The following SYNE1 variants were observed in gnomAD, a reference collection of about 807,000 sequenced individuals.
SYNE1 encodes the protein spectrin repeat containing nuclear envelope protein 1.
Under a neutral mutation model 1,111.0 loss-of-function variants are expected in SYNE1, and 616 were observed. The observed-to-expected ratio is 0.55, with a 90% CI of 0.52 to 0.59. The LOEUF is 0.59. SYNE1 is among the 20% of genes least tolerant of loss of function. The pLI is 0.00. For missense variants in SYNE1, 10,006 were observed against 10,417.0 expected (o/e 0.96, Z 1.72); for synonymous variants, 3,855 against 3,825.8 (o/e 1.01, Z -0.28).
chr6:152,313,958 C>G (rs1339472113), intron 87 of SYNE1, among the ~76,000 whole-genome samples: 1 of 152,152 alleles, frequency 6.6e-6, no homozygotes, highest in African/African-American at 2.4e-5. Context: ...TTGACTCCTC[C>G]CTGTCTTTCA....
At chr6:152,300,845 T>A (rs2153810087) in intron 92 of SYNE1, 64 bp from the exon 93 acceptor site, 1 of 1,612,480 alleles carries the variant, frequency 6.2e-7, no homozygotes, top group East Asian at 2.2e-5. Flanking sequence ...ATAAGTCCTG[T>A]TCAGGCACAG....
At chr6:152,572,658 A>T (rs889138664) in intron 3 of SYNE1, among the ~76,000 whole-genome samples, 4 of 152,234 alleles carry the variant, frequency 2.6e-5, no homozygotes, top group African/African-American at 9.6e-5. Context: ...GATTCGTTCC[A>T]GAAAAAGTCT....
At chr6:152,214,125 C>A (rs546932959) in intron 122 of SYNE1, among the ~76,000 whole-genome samples, 18 of 148,040 alleles carry the variant, frequency 1.2e-4, no homozygotes, top group African/African-American at 4.5e-4. Context: ...TGCTTGAACC[C>A]AACATTGCAG....
Position 152,242,320 on chromosome 6 carries a change from C to A in SYNE1, c.19813G>T (p.Gly6605Cys). The A allele has an allele frequency of 6.2e-7, 1 of 1,614,050 alleles. No individual in the cohort carries two copies. The highest frequency in any genetic ancestry group is 8.5e-7 in the Non-Finnish European group (1 of 1,180,010). ...LQDLADLLET[G>C]QEKMAGDQKI... ...TGGTCTCCTGCCATCTTCTCCTGAC[C>A]AGTTTCTAGCAGGTCAGCCAGATCT... The change falls in exon 107 of 146, where the codon GGT becomes TGT. Residue 6605 changes from glycine to cysteine, a missense_variant. This residue lies in a region of SYNE1 where 2,182 missense variants were observed against 2,287.8 expected (regional missense o/e 0.95). Transcript: ENST00000367255.
chr6:152,587,215 T>C (rs1463917889), intron 3 of SYNE1, among the ~76,000 whole-genome samples: 1 of 152,210 alleles, frequency 6.6e-6, no homozygotes, highest in East Asian at 1.9e-4. Flanking sequence ...TTTTCAAGTT[T>C]ACCAATGTTG....
At chr6:152,333,223 G>A (rs1357469809) in intron 77 of SYNE1, among the ~76,000 whole-genome samples, 2 of 152,062 alleles carry the variant, frequency 1.3e-5, no homozygotes, top group African/African-American at 2.4e-5. Context: ...TTTCAAAGAA[G>A]AAAGCTAAGA....
At chr6:152,281,322 C>T (rs2094013778) in intron 97 of SYNE1, among the ~76,000 whole-genome samples, 1 of 152,166 alleles carries the variant, frequency 6.6e-6, no homozygotes, top group African/African-American at 2.4e-5. Flanking sequence ...AGGTGGAAAA[C>T]ACATTCTCTG....
intron 141 of SYNE1, 140 bp downstream of exon 141, chr6:152,136,478 G>A: frequency 3.1e-6 from 3 of 982,774 alleles, no homozygotes; most frequent in Non-Finnish European, 4.6e-6. Flanking sequence ...TGAAAAGTTT[G>A]GGCACAAGGT....
chr6:152,395,522 G>A lies in SYNE1; in HGVS notation c.7706C>T (p.Ala2569Val). The change falls in exon 51 of 146, where the codon GCT (alanine) becomes GTT (valine). Residue 2569 changes from alanine (A) to valine (V), a missense_variant. This residue lies in a region of SYNE1 where 4,955 missense variants were observed against 5,017.2 expected (regional missense o/e 0.99). Transcript: ENST00000367255. ...TTCCATTTCTGGACCATACCTTGCA[G>A]CCAGCAGTTCTCCCAAAAACATTTC... Reference protein sequence around the residue: ...KVEMFLGELLAARESLDKLSQ... With the variant: ...KVEMFLGELLVARESLDKLSQ... The A allele has an allele frequency of 6.2e-7, 1 of 1,613,686 alleles. No individual in the cohort carries two copies. Among genetic ancestry groups the A allele is most frequent in the Non-Finnish European group, 8.5e-7 (1 of 1,179,826 alleles).
At chr6:152,153,288 C>G (rs1452637677) in intron 133 of SYNE1, among the ~76,000 whole-genome samples, 3 of 152,124 alleles carry the variant, frequency 2.0e-5, no homozygotes, top group Non-Finnish European at 4.4e-5. Context: ...ACTGGAAGTC[C>G]CAGTACATGT....
intron 3 of SYNE1, among the ~76,000 whole-genome samples, chr6:152,578,849 A>AT (rs922716641): frequency 4.6e-5 from 7 of 151,834 alleles, no homozygotes; most frequent in Admixed American, 6.6e-5. Flanking sequence ...TTAACTTTTT[A>AT]TTTTTTTTAA....
intron 4 of SYNE1, among the ~76,000 whole-genome samples, chr6:152,535,728 T>C (rs771563131): frequency 6.6e-6 from 1 of 152,226 alleles, no homozygotes; most frequent in Non-Finnish European, 1.5e-5. Flanking sequence ...TGCTTATACA[T>C]GCCTAATTTT....
At position 152,220,972 on chromosome 6, in the gene SYNE1, T is replaced by C. The variant is rs536892317; in HGVS notation, c.21731A>G (p.Tyr7244Cys). The C allele has an allele frequency of 3.2e-5, 51 of 1,614,178 alleles. No homozygotes were observed. In the African/African-American group the frequency reaches 4.7e-4, roughly 15 times the overall value. The change falls in exon 119 of 146, where the codon TAC (tyrosine) becomes TGC (cysteine). Residue 7244 changes from tyrosine to cysteine, a missense_variant. By Grantham distance (194) the Tyr-to-Cys change is radical (BLOSUM62 -2). Coordinates refer to ENST00000367255, the MANE Select transcript of SYNE1 (RefSeq NM_182961.4). ...SKALLQLWQR[Y>C]KDYSKQCAST... is the part of the protein sequence containing the mutation. ...AGCACACTGTTTGGAGTAGTCCTTGTATCTTTGCCAAAGCTGAAGTAGGGC... is the reference window on the plus strand; with the variant it reads ...AGCACACTGTTTGGAGTAGTCCTTGCATCTTTGCCAAAGCTGAAGTAGGGC...
chr6:152,597,535 C>A (rs1001254347), intron 3 of SYNE1, among the ~76,000 whole-genome samples: 28 of 152,132 alleles, frequency 1.8e-4, no homozygotes, highest in African/African-American at 6.3e-4. Flanking sequence ...GATCCTCATG[C>A]CTTGGCCTCC....
rs371949651 is a variant in SYNE1, at chr6:152,526,077, T to A, written c.225+3A>T. ...AAGTATGATCACACAAAAAAATTCT[T>A]ACCAGTTTCTGCCCAGACAGGACCT... is the stretch of plus-strand genomic sequence containing the variant. On this transcript the variant is annotated splice_donor_region_variant and intron_variant, in intron 5 of 145. Transcript: ENST00000367255. 1.9e-6 allele frequency: 3 copies of A among 1,613,582 alleles called. No individual in the cohort carries two copies. The African/African-American group carries it at 4.0e-5, about 22-fold the overall frequency.
intron 3 of SYNE1, among the ~76,000 whole-genome samples, chr6:152,596,583 T>A (rs1310048550): frequency 6.6e-6 from 1 of 152,196 alleles, no homozygotes; most frequent in Non-Finnish European, 1.5e-5. Flanking sequence ...TTAACTTTTT[T>A]ATTATTATTC....
intron 98 of SYNE1, among the ~76,000 whole-genome samples, chr6:152,275,981 T>G (rs531013936): frequency 2.0e-5 from 3 of 151,690 alleles, no homozygotes; most frequent in African/African-American, 7.2e-5. Context: ...TATTACATTA[T>G]TCCTCTAACT....
chr6:152,491,568 A>G (rs771535689), intron 11 of SYNE1, among the ~76,000 whole-genome samples: 8 of 152,244 alleles, frequency 5.3e-5, no homozygotes, highest in Non-Finnish European at 7.4e-5. Context: ...CTTGGCCCCA[A>G]TACAAACTCA....
intron 11 of SYNE1, among the ~76,000 whole-genome samples, chr6:152,492,485 C>T (rs1349454617): frequency 6.6e-6 from 1 of 152,168 alleles, no homozygotes. Flanking sequence ...GATCTTGCTT[C>T]AAGTGCTGGA....
Sources: gnomAD v4.1 joint callset for allele counts (sites outside exome capture counted in the v4.1 genomes callset) on GRCh38, gnomAD v4.1.1 for gene constraint, gnomAD v4.1.1 regional missense constraint, MANE v1.5 for transcripts, NCBI Gene and HGNC (gene_info 2026-07-23, HGNC 2026-07-21) for gene names.